ERFL: variants seen among roughly 807,000 people sequenced by gnomAD.
ERFL encodes ETS repressor factor like, also known as ETS domain-containing transcription factor ERF-like.
Under a neutral mutation model 27.9 loss-of-function variants are expected in ERFL, and 8 were observed. The ratio of observed to expected loss-of-function variants is 0.29; its 90% confidence interval spans 0.17 to 0.52. ERFL has a LOEUF of 0.52. Ranked by LOEUF, ERFL falls within the 20% of genes least tolerant of loss-of-function variation. ERFL has a pLI of 0.97. For synonymous variants in ERFL, 174 were observed against 202.8 expected (o/e 0.86, Z 1.21); for missense variants, 294 against 444.4 (o/e 0.66, Z 3.04).
chr19:41,922,909 G>A (rs1161558223), intron 1 of ERFL, among the ~76,000 whole-genome samples: 1 of 152,210 alleles, frequency 6.6e-6, no homozygotes, highest in Non-Finnish European at 1.5e-5. Flanking sequence ...CCCAGGCCTG[G>A]GCTGGAGGGG....
At chr19:41,912,692 GT>G (rs1178244364) in intron 2 of ERFL, among the ~76,000 whole-genome samples, 160 bp downstream of exon 2, 1 of 152,148 alleles carries the variant, frequency 6.6e-6, no homozygotes, top group Non-Finnish European at 1.5e-5. Context: ...TTTTAGCCAA[GT>G]TTCTCAGAAG....
intron 1 of ERFL, among the ~76,000 whole-genome samples, chr19:41,922,097 G>GT (rs2074845686): frequency 6.6e-6 from 1 of 152,106 alleles, no homozygotes; most frequent in Non-Finnish European, 1.5e-5. Flanking sequence ...GAGGGGCGGG[G>GT]GCAGAGAGCT....
At chr19:41,915,539 G>A (rs1296238853) in intron 1 of ERFL, among the ~76,000 whole-genome samples, 1 of 151,592 alleles carries the variant, frequency 6.6e-6, no homozygotes, top group Non-Finnish European at 1.5e-5. Context: ...TTAATGTCTA[G>A]GGTCTCCACA....
chr19:41,919,502 C>T (rs1465394945), intron 1 of ERFL, among the ~76,000 whole-genome samples: 1 of 141,606 alleles, frequency 7.1e-6, no homozygotes, highest in Non-Finnish European at 1.5e-5. Context: ...CACGTGTGCA[C>T]GTGCACGCGT....
Position 41,917,412 on chromosome 19 carries a change from G to GC in ERFL, c.-13-4481dup. ...GTTTTGATTTCTCTAAGCTGCGCCG[G>GC]CCGCCTCGGGAGCCGCCTCGGGCCT... On this transcript the variant is annotated intron_variant, in intron 1 of 5. Transcript: ENST00000597630. The surrounding 1 kb of genome is among the most constrained non-coding windows in gnomAD (Gnocchi z 4.8). 6.6e-6 allele frequency among the ~76,000 whole-genome samples: 1 copy of GC among 151,994 alleles called. No homozygotes were observed. Among genetic ancestry groups the GC allele is most frequent in the South Asian group, 2.1e-4 (1 of 4,818 alleles).
chr19:41,909,778 A>G lies in ERFL; in HGVS notation c.302+85T>C. ...CTGTGCCTTGTGGGATCCAGCAGGA[A>G]CCTGCCCCAGGATGCAGAGGGGGCA... is the stretch of plus-strand genomic sequence containing the variant. On this transcript the variant is annotated intron_variant, in intron 3 of 5. Coordinates refer to ENST00000597630, the MANE Select transcript of ERFL (RefSeq NM_001365103.2). This position sits in a 1 kb window ranked among gnomAD's most constrained non-coding sequence, Gnocchi z 5.2. 7.1e-7 allele frequency: 1 copy of G among 1,410,890 alleles called. No individual in the cohort carries two copies. The highest frequency in any genetic ancestry group is 2.5e-5 in the East Asian group (1 of 40,224). 87.4% of individuals were successfully genotyped at this position (1,410,890 alleles called of 1,614,324 possible).
chr19:41,920,136 CACAG>C (rs1346639027), intron 1 of ERFL, among the ~76,000 whole-genome samples: 7 of 127,328 alleles, frequency 5.5e-5, no homozygotes, highest in African/African-American at 1.9e-4. Flanking sequence ...CACATGCGCT[CACAG>C]ACATGACACG....
rs534282197 is a variant in ERFL, at chr19:41,924,780, G to A, written c.-14+3260C>T. 4.6e-5 allele frequency among the ~76,000 whole-genome samples: 7 copies of A among 152,244 alleles called. No homozygotes were observed. The East Asian group carries it at 5.8e-4, about 13-fold the overall frequency. ...AGGTGTTATGCACGTGGAGGAAGGCGCTCCTCGAGGAGAGAGCTGGTCAGA... is the reference window on the plus strand; with the variant it reads ...AGGTGTTATGCACGTGGAGGAAGGCACTCCTCGAGGAGAGAGCTGGTCAGA... On this transcript the variant is annotated intron_variant, in intron 1 of 5. Transcript: ENST00000597630.
In ERFL at chr19:41,921,279, G is replaced by A. The variant is rs1475784819; in HGVS notation, c.-14+6761C>T. Among the ~76,000 whole-genome samples the A allele has an allele frequency of 6.6e-6, 1 of 152,126 alleles. No homozygotes were observed. Among genetic ancestry groups the A allele is most frequent in the Non-Finnish European group, 1.5e-5 (1 of 68,020 alleles). On this transcript the variant is annotated intron_variant, in intron 1 of 5. Coordinates refer to ENST00000597630, the MANE Select transcript of ERFL (RefSeq NM_001365103.2). The surrounding 1 kb of genome is among the most constrained non-coding windows in gnomAD (Gnocchi z 4.4). ...GGGGGGCACAGAGAAGGGGAGACAT[G>A]CAGGGAGGAAGAGAGACCGAGGGGG... is the stretch of plus-strand genomic sequence containing the variant.
rs564929554 is a variant in ERFL at position 41,917,540 on chromosome 19, T to A, written c.-13-4608A>T. ...TCGGAATGAAAATTGATTTTTTTTT[T>A]AAATTTCATATCTTCTCCGGGGCTC... On this transcript the variant is annotated intron_variant, in intron 1 of 5. Coordinates refer to ENST00000597630, the MANE Select transcript of ERFL (RefSeq NM_001365103.2). This position sits in a 1 kb window ranked among gnomAD's most constrained non-coding sequence, Gnocchi z 4.8. 2.8e-4 allele frequency among the ~76,000 whole-genome samples: 42 copies of A among 151,570 alleles called. No individual in the cohort carries two copies. Among genetic ancestry groups the A allele is most frequent in the Non-Finnish European group, 3.8e-4 (26 of 67,828 alleles).
chr19:41,918,197 T>C (rs73550642), intron 1 of ERFL, among the ~76,000 whole-genome samples: 40,137 of 151,436 alleles, frequency 0.27, 11,443 homozygotes, highest in African/African-American at 0.72. Flanking sequence ...ATACCCCACA[T>C]GTATACGCCA....
rs546618449 is a variant in ERFL at position 41,916,852 on chromosome 19, C to A, written c.-13-3920G>T. ...ACCCAAACATACGACCGACAGCGGC[C>A]CCTGCAGAGGTACACACAGACACAC... On this transcript the variant is annotated intron_variant, in intron 1 of 5. Transcript: ENST00000597630. This position sits in a 1 kb window ranked among gnomAD's most constrained non-coding sequence, Gnocchi z 5.4. 2.0e-5 allele frequency among the ~76,000 whole-genome samples: 3 copies of A among 151,968 alleles called. No individual in the cohort carries two copies. The highest frequency in any genetic ancestry group is 6.5e-5 in the Admixed American group (1 of 15,276).
chr19:41,921,596 G>A lies in ERFL; in HGVS notation c.-14+6444C>T, dbSNP rs1555852497. Among the ~76,000 whole-genome samples the A allele has an allele frequency of 6.6e-6, 1 of 152,088 alleles. No homozygotes were observed. The highest frequency in any genetic ancestry group is 2.4e-5 in the African/African-American group (1 of 41,382). On this transcript the variant is annotated intron_variant, in intron 1 of 5. Coordinates refer to ENST00000597630, the MANE Select transcript of ERFL (RefSeq NM_001365103.2). The surrounding 1 kb of genome is among the most constrained non-coding windows in gnomAD (Gnocchi z 4.4). ...TGAGACAAAAGTAGATTAGAAAGCT[G>A]GAGGTCACGGGAGAGCGAGGGCCGC...
intron 2 of ERFL, among the ~76,000 whole-genome samples, chr19:41,912,504 C>CA (rs2074758935): frequency 6.6e-6 from 1 of 152,234 alleles, no homozygotes; most frequent in Non-Finnish European, 1.5e-5. Context: ...CCCCCTCCAG[C>CA]CCAGTCCCTG....
intron 1 of ERFL, among the ~76,000 whole-genome samples, chr19:41,926,946 CAG>C (rs141620832): frequency 6.7e-6 from 1 of 149,764 alleles, no homozygotes; most frequent in Non-Finnish European, 1.5e-5. Context: ...CAGAAAGAGG[CAG>C]AGAGAGAGAG....
intron 1 of ERFL, among the ~76,000 whole-genome samples, chr19:41,914,201 G>A (rs543341379): frequency 1.1e-4 from 16 of 140,478 alleles, no homozygotes; most frequent in Non-Finnish European, 2.2e-4. Flanking sequence ...AGCCTCCCCT[G>A]TCCCAGGCCC....
At chr19:41,911,497 G>A (rs1417069875) in intron 2 of ERFL, among the ~76,000 whole-genome samples, 10 of 152,238 alleles carry the variant, frequency 6.6e-5, no homozygotes, top group Admixed American at 6.5e-4. Context: ...AACTGCACAG[G>A]TGGAAGGCAA....
rs2074730599 is a variant in ERFL at position 41,908,345 on chromosome 19, G to A, written c.948C>T (p.Asp316=). 2 of 1,231,356 alleles carry A rather than the reference G, an allele frequency of 1.6e-6. No individual in the cohort carries two copies. Among genetic ancestry groups the A allele is most frequent in the Non-Finnish European group, 2.0e-6 (2 of 987,804 alleles). The allele number at this position is 1,231,356 out of a possible 1,614,324, so 76.3% of individuals were successfully genotyped here. ...CGGTGATCTCCAGCTCCGAGTCGCTGTCCTCCTTCCCACCAAGGGCAGCCT... is the reference window on the plus strand; with the variant it reads ...CGGTGATCTCCAGCTCCGAGTCGCTATCCTCCTTCCCACCAAGGGCAGCCT... ...GPEAALGGKE[D]SDSELEITDV... is the part of the protein sequence containing the mutation. Residue 316 remains aspartate (D), a synonymous_variant, in exon 6 of 6, where the codon GAC becomes GAT. Transcript: ENST00000597630. The surrounding 1 kb of genome is among the most constrained non-coding windows in gnomAD (Gnocchi z 6.7).
At chr19:41,914,817 CGT>C (rs1555851714) in intron 1 of ERFL, among the ~76,000 whole-genome samples, 3 of 23,032 alleles carry the variant, frequency 1.3e-4, no homozygotes, top group Non-Finnish European at 3.1e-4. Flanking sequence ...CCCCCTCCAC[CGT>C]GTCTCCCCCC....
Sources: gnomAD v4.1 joint callset for allele counts (sites outside exome capture counted in the v4.1 genomes callset) on GRCh38, gnomAD v4.1.1 for gene constraint, Gnocchi (gnomAD v3.1) non-coding constraint, MANE v1.5 for transcripts, NCBI Gene and HGNC (gene_info 2026-07-23, HGNC 2026-07-21) for gene names.